Variants in RECQL observed in about 807,000 individuals in gnomAD.
The protein encoded by RECQL is ATP-dependent DNA helicase Q1.
A neutral mutation model predicts 75.8 loss-of-function variants in RECQL; 73 were observed. That is an observed-to-expected ratio of 0.96 (90% CI 0.80 to 1.17). The LOEUF (loss-of-function observed/expected upper bound fraction) is 1.17, where lower values mean the gene tolerates loss of function less well. RECQL is among the 50% of genes most tolerant of loss of function. RECQL has a pLI of 0.00. For missense variants in RECQL, 699 were observed against 772.1 expected, an observed-to-expected ratio of 0.91 and a Z score of 1.12; for synonymous variants, 248 against 254.4, an observed-to-expected ratio of 0.97 and a Z score of 0.24.
In RECQL at chr12:21,499,619, A is replaced by G. The variant is rs755585235; in HGVS notation, c.-45-4T>C. 1.5e-5 allele frequency: 22 copies of G among 1,501,208 alleles called. No homozygotes were observed. The highest frequency in any genetic ancestry group is 1.8e-5 in the Non-Finnish European group (20 of 1,091,354). 93.0% of individuals were successfully genotyped at this position (1,501,208 alleles called of 1,614,324 possible). A position where few individuals can be genotyped will look rare whatever the true frequency, so the allele number is the denominator to read the frequency against. The stretch of plus-strand genomic sequence containing the variant: ...CTAAAATAATCCAAATTTCTTTCTA[A>G]AAATAAAAGCACAACAGTGACAACA... On this transcript the variant is annotated splice_polypyrimidine_tract_variant and splice_region_variant and intron_variant, in intron 1 of 14. Coordinates refer to ENST00000444129, the MANE Select transcript of RECQL (RefSeq NM_002907.4).
chr12:21,493,123 G>A (rs369905844), intron 2 of RECQL, among the ~76,000 whole-genome samples: 25 of 152,078 alleles, frequency 1.6e-4, no homozygotes, highest in South Asian at 8.3e-4. Flanking sequence ...ATTTTGATCC[G>A]GAAGAACAGA....
At chr12:21,473,140 A>G (rs770992042) in intron 12 of RECQL, among the ~76,000 whole-genome samples, 10 of 152,142 alleles carry the variant, frequency 6.6e-5, no homozygotes, top group Non-Finnish European at 1.5e-4. Flanking sequence ...CTGTATATAC[A>G]GTTTTGTGCC....
At chr12:21,483,671 T>A in intron 5 of RECQL, 97 bp from the exon 6 acceptor site, 1 of 863,632 alleles carries the variant, frequency 1.2e-6, no homozygotes, top group Non-Finnish European at 1.8e-6. Context: ...TCCAAAGCAA[T>A]AATAGCCTTT....
At chr12:21,470,452 C>A in intron 14 of RECQL, 106 bp from the exon 15 acceptor site, 3 of 1,248,636 alleles carry the variant, frequency 2.4e-6, no homozygotes, top group Non-Finnish European at 3.2e-6. Context: ...TATCAGTTGG[C>A]TTTTTAAGTA....
intron 6 of RECQL, among the ~76,000 whole-genome samples, chr12:21,483,035 A>G (rs1192532233): frequency 1.3e-5 from 2 of 152,142 alleles, no homozygotes; most frequent in African/African-American, 4.8e-5. Context: ...AAATGCCACA[A>G]AGATGTCCAC....
At position 21,490,224 on chromosome 12, in the gene RECQL, G is replaced by A; in HGVS notation, c.369C>T (p.Tyr123=). ...MPTGGGKSLC[Y]QLPALCSDGF... The stretch of plus-strand genomic sequence containing the variant: ...CATCTGAACATAATGCTGGTAACTG[G>A]TAACATAAGCTCTTTCCACCTCCTG... Residue 123 remains tyrosine (Y), a synonymous_variant, in exon 4 of 15, where the codon TAC becomes TAT. Transcript: ENST00000444129. 1 of 1,611,172 alleles carries A rather than the reference G, an allele frequency of 6.2e-7. No homozygotes were observed. The highest frequency in any genetic ancestry group is 1.3e-5 in the African/African-American group (1 of 74,902).
intron 6 of RECQL, among the ~76,000 whole-genome samples, chr12:21,480,832 C>T (rs1205130740): frequency 3.9e-5 from 6 of 152,322 alleles, no homozygotes; most frequent in South Asian, 2.1e-4. Context: ...GACTCCAGCA[C>T]CAGGGAGCTC....
intron 14 of RECQL, chr12:21,470,697 A>T: frequency 3.2e-6 from 1 of 316,164 alleles, no homozygotes; most frequent in Non-Finnish European, 5.7e-6. Context: ...ACCAAATAAG[A>T]GCAGAGTGCA....
intron 4 of RECQL, among the ~76,000 whole-genome samples, chr12:21,488,496 C>T (rs931053561): frequency 6.6e-6 from 1 of 152,176 alleles, no homozygotes; most frequent in Non-Finnish European, 1.5e-5. Flanking sequence ...AGGCTTTAGA[C>T]ACAAACATCC....
chr12:21,497,469 G>A (rs1313925425), intron 2 of RECQL, among the ~76,000 whole-genome samples: 2 of 152,336 alleles, frequency 1.3e-5, no homozygotes, highest in Non-Finnish European at 2.9e-5. Context: ...GCAGTAAGCA[G>A]TCCACATAGT....
Position 21,475,517 on chromosome 12 carries a change from A to G in RECQL, c.1167T>C (p.His389=), listed in dbSNP as rs1221107212. The G allele has an allele frequency of 6.2e-7, 1 of 1,613,048 alleles. No homozygotes were observed. The highest frequency in any genetic ancestry group is 1.3e-5 in the African/African-American group (1 of 75,020). The change falls in exon 10 of 15, where the codon CAT becomes CAC. Residue 389 remains histidine, a synonymous_variant. Transcript: ENST00000444129. ...DKPDVRFVIH[H]SMSKSMENYY... ...AATTTTCCATGGATTTACTCATTGAATGATGGATAACAAACCTCACATCTG... is the reference window on the plus strand; with the variant it reads ...AATTTTCCATGGATTTACTCATTGAGTGATGGATAACAAACCTCACATCTG...
intron 2 of RECQL, among the ~76,000 whole-genome samples, chr12:21,497,431 C>T (rs1943528265): frequency 6.6e-6 from 1 of 152,176 alleles, no homozygotes; most frequent in Admixed American, 6.5e-5. Flanking sequence ...TCCTGAAAAA[C>T]ATTGGAGATG....
At chr12:21,483,323 A>G in intron 6 of RECQL, 53 bp downstream of exon 6, 1 of 1,169,844 alleles carries the variant, frequency 8.5e-7, no homozygotes, top group Non-Finnish European at 1.2e-6. Context: ...TGCCAAGCTG[A>G]GTAAGGACAC....
At chr12:21,488,761 T>A (rs989164568) in intron 4 of RECQL, among the ~76,000 whole-genome samples, 4 of 152,190 alleles carry the variant, frequency 2.6e-5, no homozygotes, top group African/African-American at 9.7e-5. Flanking sequence ...CTGGAATTCA[T>A]CTAACTGCTA....
At chr12:21,470,564 G>A (rs1055740150) in intron 14 of RECQL, 16 of 587,446 alleles carry the variant, frequency 2.7e-5, no homozygotes, top group Non-Finnish European at 4.2e-5. Flanking sequence ...GACCTCAAAT[G>A]TCCTTAGACA....
rs527305197 is a variant in RECQL at position 21,469,350 on chromosome 12, T to C, written c.*844A>G. ...GCCCAACACAAATCTGTAAACTTTCTTAAAACATGAGATTTTTCTTGCAAT... is the reference window on the plus strand; with the variant it reads ...GCCCAACACAAATCTGTAAACTTTCCTAAAACATGAGATTTTTCTTGCAAT... On this transcript the variant is annotated 3_prime_UTR_variant, in exon 15 of 15. Coordinates refer to ENST00000444129, the MANE Select transcript of RECQL (RefSeq NM_002907.4). 6.6e-6 allele frequency: 1 copy of C among 152,246 alleles called. No homozygotes were observed. The highest frequency in any genetic ancestry group is 6.6e-5 in the Admixed American group (1 of 15,244). 9.4% of individuals were successfully genotyped at this position (152,246 alleles called of 1,614,324 possible).
intron 1 of RECQL, among the ~76,000 whole-genome samples, chr12:21,500,344 G>GTA (rs1159245032): frequency 6.6e-6 from 1 of 152,116 alleles, no homozygotes; most frequent in African/African-American, 2.4e-5. Context: ...AATGGGGCTG[G>GTA]AGAGTAGAAA....
intron 12 of RECQL, among the ~76,000 whole-genome samples, chr12:21,472,377 G>A (rs982033843): frequency 5.3e-5 from 8 of 152,044 alleles, no homozygotes; most frequent in African/African-American, 1.9e-4. Context: ...AGCAAAGCAA[G>A]TTTATTAGCA....
chr12:21,474,458 T>C (rs1943043026), intron 11 of RECQL, among the ~76,000 whole-genome samples: 1 of 152,080 alleles, frequency 6.6e-6, no homozygotes, highest in Non-Finnish European at 1.5e-5. Flanking sequence ...GGTATTTCAT[T>C]GACACATGAG....
Sources: gnomAD v4.1 joint callset for allele counts (sites outside exome capture counted in the v4.1 genomes callset) on GRCh38, gnomAD v4.1.1 for gene constraint, MANE v1.5 for transcripts, NCBI Gene and HGNC (gene_info 2026-07-23, HGNC 2026-07-21) for gene names.